PGM2L1: variants seen among roughly 807,000 people sequenced by gnomAD.
PGM2L1 encodes glucose 1,6-bisphosphate synthase.
PGM2L1 carries 35 observed loss-of-function variants against 73.4 expected under a neutral mutation model. The ratio of observed to expected loss-of-function variants is 0.48; its 90% CI spans 0.36 to 0.63. The LOEUF (loss-of-function observed/expected upper bound fraction) is 0.63, where lower values mean the gene tolerates loss of function less well. PGM2L1 is among the 30% of genes least tolerant of loss of function. The pLI, the probability that PGM2L1 is intolerant of heterozygous loss-of-function variation, is 0.00. For synonymous variants in PGM2L1, 225 were observed against 253.8 expected (o/e 0.89, Z 1.08); for missense variants, 570 against 742.0 (o/e 0.77, Z 2.69).
At chr11:74,383,843 A>ATATATATAT (rs398016660) in intron 1 of PGM2L1, among the ~76,000 whole-genome samples, 4 of 145,576 alleles carry the variant, frequency 2.7e-5, no homozygotes, top group Non-Finnish European at 6.0e-5. Flanking sequence ...ATATATATAT[A>ATATATATAT]ACATTTTCTT....
At chr11:74,338,732 T>C (rs988067618) in intron 12 of PGM2L1, 131 bp from the exon 13 acceptor site, 18 of 1,163,048 alleles carry the variant, frequency 1.5e-5, no homozygotes, top group Non-Finnish European at 1.8e-5. Flanking sequence ...AAATAGAAAT[T>C]AGAATGGCAG....
At chr11:74,337,554 A>G (rs1367983451) in intron 13 of PGM2L1, among the ~76,000 whole-genome samples, 1 of 152,212 alleles carries the variant, frequency 6.6e-6, no homozygotes, top group East Asian at 1.9e-4. Flanking sequence ...CAATTACAAT[A>G]TTATAGGAGA....
chr11:74,360,600 A>C (rs913411976), intron 5 of PGM2L1, among the ~76,000 whole-genome samples: 2 of 152,174 alleles, frequency 1.3e-5, no homozygotes, highest in African/African-American at 2.4e-5. Context: ...GAGTCGAAGC[A>C]GGGTGACACA....
Position 74,371,748 on chromosome 11 carries a change from T to C in PGM2L1, c.349A>G (p.Thr117Ala). The change falls in exon 3 of 14, where the codon ACT (threonine) becomes GCT (alanine). Residue 117 changes from threonine (T) to alanine (A), a missense_variant. Thr to Ala is a moderately conservative substitution (Grantham distance 58). Transcript: ENST00000298198. ...CAGCTGCTAGTTACTTGACCCCGAG[T>C]GTCATACCCAACCACAAAGCCTCTC... ...KQRGFVVGYD[T>A]RGQVTSSCSS... The C allele has an allele frequency of 1.9e-6, 3 of 1,613,954 alleles. No homozygotes were observed. The highest frequency in any genetic ancestry group is 2.5e-6 in the Non-Finnish European group (3 of 1,179,856).
At chr11:74,369,389 GAGTTATAGAAAAAAT>G (rs1862715153) in intron 4 of PGM2L1, among the ~76,000 whole-genome samples, 2 of 137,396 alleles carry the variant, frequency 1.5e-5, no homozygotes, top group African/African-American at 7.2e-5. Flanking sequence ...AACATAAATG[GAGTTATAGAAAAAAT>G]AAGTGGGAAT....
At chr11:74,337,378 G>A (rs1050250083) in intron 13 of PGM2L1, among the ~76,000 whole-genome samples, 1 of 152,066 alleles carries the variant, frequency 6.6e-6, no homozygotes, top group Admixed American at 6.5e-5. Flanking sequence ...TACCCAATTT[G>A]GTTTACTTTA....
chr11:74,338,846 T>C (rs1862138602), intron 12 of PGM2L1, among the ~76,000 whole-genome samples: 2 of 152,224 alleles, frequency 1.3e-5, no homozygotes, highest in African/African-American at 2.4e-5. Context: ...AATATAAATA[T>C]ACTTAACACT....
intron 5 of PGM2L1, among the ~76,000 whole-genome samples, chr11:74,366,749 A>G (rs1284199245): frequency 6.6e-6 from 1 of 152,090 alleles, no homozygotes; most frequent in Non-Finnish European, 1.5e-5. Context: ...GAATGCAGTG[A>G]GCGCAGGAAG....
Position 74,363,161 on chromosome 11 carries a change from G to A in PGM2L1, c.555+5331C>T, listed in dbSNP as rs571835708. On this transcript the variant is annotated intron_variant, in intron 5 of 13. Coordinates refer to ENST00000298198, the MANE Select transcript of PGM2L1 (RefSeq NM_173582.6). ...CTACTGGGTACATAATGAAATGAAG[G>A]CAGAAATAAAGATGTTCTTTGAAAC... Among the ~76,000 whole-genome samples, 1,384 of 152,282 alleles carry A rather than the reference G, an allele frequency of 9.1e-3. 24 individuals are homozygous for A. The highest frequency in any genetic ancestry group is 0.03 in the African/African-American group (1,230 of 41,542).
In PGM2L1 at chr11:74,367,086, T is replaced by C. The variant is rs939181333; in HGVS notation, c.555+1406A>G. On this transcript the variant is annotated intron_variant, in intron 5 of 13. Transcript: ENST00000298198. ...CTGTAGAACCCGTTAGTAGATAAAA[T>C]GTTAGGGAAAGGAAGTAATAAAAAA... 1.2e-4 allele frequency among the ~76,000 whole-genome samples: 19 copies of C among 152,192 alleles called. 1 individual carries two copies. The South Asian group carries it at 2.5e-3, about 20-fold the overall frequency.
rs149488578 is a variant in PGM2L1 at position 74,382,216 on chromosome 11, T to C, written c.112-7634A>G. 9.2e-5 allele frequency among the ~76,000 whole-genome samples: 14 copies of C among 152,322 alleles called. No homozygotes were observed. In the East Asian group the frequency reaches 2.7e-3, roughly 29 times the overall value. On this transcript the variant is annotated intron_variant, in intron 1 of 13. Transcript: ENST00000298198. ...CATTAATTATCTTTCACAGTTTCTA[T>C]GGGTTAGGAATTCAGAAAGGGCACA...
Position 74,336,737 on chromosome 11 carries a change from T to C in PGM2L1, c.1784A>G (p.Glu595Gly), listed in dbSNP as rs775158056. 6.2e-7 allele frequency: 1 copy of C among 1,610,634 alleles called. No individual in the cohort carries two copies. Among genetic ancestry groups the C allele is most frequent in the Non-Finnish European group, 8.5e-7 (1 of 1,177,448 alleles). ...ATCAATGAGTTTCTTCAGTTCTTCCTCCAGTAAAGCAGTGTCACTGAGGAA... is the reference window on the plus strand; with the variant it reads ...ATCAATGAGTTTCTTCAGTTCTTCCCCCAGTAAAGCAGTGTCACTGAGGAA... ...SPDQSDTALL[E>G]EELKKLIDAL... is the part of the protein sequence containing the mutation. Residue 595 changes from glutamate to glycine, a missense_variant, in exon 14 of 14, where the codon GAG (glutamate) becomes GGG (glycine). Coordinates refer to ENST00000298198, the MANE Select transcript of PGM2L1 (RefSeq NM_173582.6).
chr11:74,379,828 A>G (rs187987930), intron 1 of PGM2L1, among the ~76,000 whole-genome samples: 34 of 152,150 alleles, frequency 2.2e-4, no homozygotes, highest in Non-Finnish European at 2.9e-5. Flanking sequence ...GGGAGGCTGA[A>G]GCAGGAAAAT....
chr11:74,391,099 A>C (rs1435981823), intron 1 of PGM2L1, among the ~76,000 whole-genome samples: 1 of 152,110 alleles, frequency 6.6e-6, no homozygotes, highest in Non-Finnish European at 1.5e-5. Flanking sequence ...TTTTTAGACC[A>C]TAACTTAACT....
At chr11:74,346,062 C>T (rs1417039263) in intron 8 of PGM2L1, among the ~76,000 whole-genome samples, 5 of 151,508 alleles carry the variant, frequency 3.3e-5, no homozygotes, top group African/African-American at 9.7e-5. Flanking sequence ...GTCAGGAGTT[C>T]GAGACCAGCC....
chr11:74,365,087 C>G lies in PGM2L1; in HGVS notation c.555+3405G>C, dbSNP rs867984605. On this transcript the variant is annotated intron_variant, in intron 5 of 13. Coordinates refer to ENST00000298198, the MANE Select transcript of PGM2L1 (RefSeq NM_173582.6). ...ACATCTACAACCATCTGATCTTTGA[C>G]AAACCTGACAAAAACAAGAAATGGG... is the stretch of plus-strand genomic sequence containing the variant. Among the ~76,000 whole-genome samples, 178 of 150,494 alleles carry G rather than the reference C, an allele frequency of 1.2e-3. 4 individuals are homozygous for G. The Middle Eastern group carries it at 0.017, about 14-fold the overall frequency.
intron 5 of PGM2L1, among the ~76,000 whole-genome samples, chr11:74,352,932 A>G (rs1262888982): frequency 6.6e-6 from 1 of 152,188 alleles, no homozygotes; most frequent in African/African-American, 2.4e-5. Flanking sequence ...TAAAAATGGC[A>G]TCCTTGAAGC....
intron 12 of PGM2L1, 65 bp downstream of exon 12, chr11:74,342,394 CTG>C (rs778373380): frequency 4.2e-5 from 52 of 1,252,724 alleles, no homozygotes; most frequent in Non-Finnish European, 5.3e-5. Context: ...TGTCCTGCCT[CTG>C]GACTTTTTGG....
At chr11:74,366,358 T>TAA (rs779898779) in intron 5 of PGM2L1, among the ~76,000 whole-genome samples, 3 of 83,528 alleles carry the variant, frequency 3.6e-5, no homozygotes, top group African/African-American at 9.5e-5. Context: ...ACTTAAAGTA[T>TAA]AAAAAAAAAA....
Sources: gnomAD v4.1 joint callset for allele counts (sites outside exome capture counted in the v4.1 genomes callset) on GRCh38, gnomAD v4.1.1 for gene constraint, MANE v1.5 for transcripts, NCBI Gene and HGNC (gene_info 2026-07-23, HGNC 2026-07-21) for gene names.